The following PTPRD variants were observed in gnomAD, a reference collection of about 807,000 sequenced individuals.
The protein encoded by PTPRD is protein tyrosine phosphatase receptor type D, also known as receptor-type tyrosine-protein phosphatase delta.
PTPRD carries 34 observed loss-of-function variants against 214.5 expected under a neutral mutation model. The observed-to-expected ratio is 0.16, with a 90% CI of 0.12 to 0.21. PTPRD has a LOEUF of 0.21. Among genes scored for constraint, PTPRD ranks in the 10% least tolerant of loss-of-function variants. The pLI is 1.00. For synonymous variants in PTPRD, 1,128 were observed against 845.7 expected (o/e 1.33, Z -5.79); for missense variants, 2,545 against 2,398.7 (o/e 1.06, Z -1.27).
At chr9:8,455,049 G>A (rs1462906147) in intron 33 of PTPRD, among the ~76,000 whole-genome samples, 1 of 152,158 alleles carries the variant, frequency 6.6e-6, no homozygotes, top group Non-Finnish European at 1.5e-5. Context: ...TAAGAGGTAT[G>A]TCATTCCTTT....
In PTPRD at chr9:8,633,395, C is replaced by G. The variant is rs2154320604; in HGVS notation, c.274G>C (p.Asp92His). Residue 92 changes from aspartate to histidine, a missense_variant, in exon 14 of 46, where the codon GAT becomes CAT. Transcript: ENST00000381196. Reference sequence around the variant, plus strand: ...GCCACACATTCATAAATGGCCTCATCCCTCGGAGTCCGTAAGGGTTGTATT... The same window carrying G: ...GCCACACATTCATAAATGGCCTCATGCCTCGGAGTCCGTAAGGGTTGTATT... ...LRIQPLRTPR[D>H]EAIYECVASN... 6.2e-7 allele frequency: 1 copy of G among 1,612,824 alleles called. No individual in the cohort carries two copies. Among genetic ancestry groups the G allele is most frequent in the Non-Finnish European group, 8.5e-7 (1 of 1,179,108 alleles).
At chr9:10,329,413 AT>A (rs1315072678) in intron 3 of PTPRD, among the ~76,000 whole-genome samples, 1 of 151,886 alleles carries the variant, frequency 6.6e-6, no homozygotes, top group Non-Finnish European at 1.5e-5. Flanking sequence ...TTAAAATAAA[AT>A]TTAAAAAGTT....
At chr9:9,432,740 A>G (rs1172696816) in intron 8 of PTPRD, among the ~76,000 whole-genome samples, 1 of 152,232 alleles carries the variant, frequency 6.6e-6, no homozygotes, top group East Asian at 1.9e-4. Context: ...TTTAATGAAT[A>G]ATGAAGCCAC....
intron 9 of PTPRD, among the ~76,000 whole-genome samples, chr9:9,281,359 A>T (rs1433751463): frequency 6.6e-6 from 1 of 151,344 alleles, no homozygotes; most frequent in African/African-American, 2.4e-5. Flanking sequence ...CTAATAAAAG[A>T]CTGTTATTCA....
At chr9:10,019,694 G>T (rs1025248479) in intron 4 of PTPRD, among the ~76,000 whole-genome samples, 1 of 150,010 alleles carries the variant, frequency 6.7e-6, no homozygotes, top group Admixed American at 6.7e-5. Flanking sequence ...ACTAAACACC[G>T]CATGTTCTCA....
At chr9:10,178,019 C>T (rs1208116237) in intron 3 of PTPRD, among the ~76,000 whole-genome samples, 1 of 151,784 alleles carries the variant, frequency 6.6e-6, no homozygotes, top group East Asian at 1.9e-4. Flanking sequence ...TAATTTTTTC[C>T]TTCTTCCACT....
intron 11 of PTPRD, among the ~76,000 whole-genome samples, chr9:8,983,172 G>A (rs899503175): frequency 1.3e-5 from 2 of 151,772 alleles, no homozygotes; most frequent in Admixed American, 1.3e-4. Context: ...ATTGTGATTA[G>A]CAATAATTAG....
intron 7 of PTPRD, 149 bp downstream of exon 7, chr9:9,734,384 T>C (rs777601383): frequency 3.3e-5 from 5 of 152,112 alleles, no homozygotes; most frequent in Admixed American, 6.6e-5. Context: ...ACTGGACTTA[T>C]GAGATTCAAA....
At chr9:9,844,886 A>C (rs886848582) in intron 5 of PTPRD, among the ~76,000 whole-genome samples, 2 of 151,384 alleles carry the variant, frequency 1.3e-5, no homozygotes, top group African/African-American at 2.4e-5. Flanking sequence ...AAATAAAAGA[A>C]ATTCCCAGGC....
Position 9,226,794 on chromosome 9 carries a change from T to G in PTPRD, c.-202-43431A>C, listed in dbSNP as rs183057114. 6.4e-3 allele frequency among the ~76,000 whole-genome samples: 971 copies of G among 152,178 alleles called. 16 individuals are homozygous for G. The highest frequency in any genetic ancestry group is 4.1e-3 in the Admixed American group (62 of 15,264). On this transcript the variant is annotated intron_variant, in intron 9 of 45. Coordinates refer to ENST00000381196, the MANE Select transcript of PTPRD (RefSeq NM_002839.4). Reference sequence around the variant, plus strand: ...TCTGGTTATCATTGTATCTTTCACTTAACATGGATATCATATAATAGGTAC... The same window carrying G: ...TCTGGTTATCATTGTATCTTTCACTGAACATGGATATCATATAATAGGTAC...
At chr9:9,948,538 G>C (rs773531196) in intron 4 of PTPRD, among the ~76,000 whole-genome samples, 5 of 152,060 alleles carry the variant, frequency 3.3e-5, no homozygotes, top group Admixed American at 6.6e-5. Flanking sequence ...TAAATTAAAA[G>C]TCCAATAGCT....
intron 3 of PTPRD, among the ~76,000 whole-genome samples, chr9:10,187,675 G>C (rs779268719): frequency 6.6e-6 from 1 of 152,162 alleles, no homozygotes; most frequent in Non-Finnish European, 1.5e-5. Context: ...ATCTGCCCTG[G>C]GGGGCGGAAC....
intron 10 of PTPRD, among the ~76,000 whole-genome samples, chr9:9,156,071 G>C (rs139835114): frequency 7.9e-5 from 12 of 152,104 alleles, no homozygotes; most frequent in Admixed American, 7.9e-4. Context: ...TTCAGAGCAG[G>C]GCAATATTTA....
intron 11 of PTPRD, among the ~76,000 whole-genome samples, chr9:8,991,681 G>C (rs2099367487): frequency 6.6e-6 from 1 of 152,076 alleles, no homozygotes; most frequent in African/African-American, 2.4e-5. Context: ...TAACACATTA[G>C]TTCTGTGCAA....
rs554510484 is a variant in PTPRD at position 8,743,373 on chromosome 9, G to A, written c.-103-9427C>T. Among the ~76,000 whole-genome samples the A allele has an allele frequency of 4.5e-4, 68 of 152,282 alleles. 1 individual carries two copies. The highest frequency in any genetic ancestry group is 2.1e-4 in the South Asian group (1 of 4,826). On this transcript the variant is annotated intron_variant, in intron 11 of 45. Coordinates refer to ENST00000381196, the MANE Select transcript of PTPRD (RefSeq NM_002839.4). The stretch of plus-strand genomic sequence containing the variant: ...TAAATGGAACAGACATTGCACTGAT[G>A]TCAGTCAGTGAATAGATATGGTTCC...
intron 8 of PTPRD, among the ~76,000 whole-genome samples, chr9:9,536,895 C>T (rs1326610966): frequency 6.6e-6 from 1 of 151,942 alleles, no homozygotes; most frequent in Middle Eastern, 3.2e-3. Flanking sequence ...TTTTCAACGA[C>T]AGTTATGGAA....
In PTPRD at chr9:8,928,032, C is replaced by T. The variant is rs577032108; in HGVS notation, c.-104+90665G>A. On this transcript the variant is annotated intron_variant, in intron 11 of 45. Coordinates refer to ENST00000381196, the MANE Select transcript of PTPRD (RefSeq NM_002839.4). The stretch of plus-strand genomic sequence containing the variant: ...TTGAGGAGCGTCTGTTCATATCCTT[C>T]GCCCACTTTTTGATGAGGTTGTCTT... Among the ~76,000 whole-genome samples the T allele has an allele frequency of 3.1e-3, 469 of 152,148 alleles. 6 individuals carry two copies. The highest frequency in any genetic ancestry group is 5.6e-3 in the Non-Finnish European group (378 of 67,980).
At chr9:8,576,115 A>C in intron 14 of PTPRD, among the ~76,000 whole-genome samples, 1 of 152,096 alleles carries the variant, frequency 6.6e-6, no homozygotes, top group East Asian at 1.9e-4. Context: ...ATAACACCAA[A>C]CCTTGAAGTG....
chr9:8,937,100 C>T (rs533970178), intron 11 of PTPRD, among the ~76,000 whole-genome samples: 21 of 151,824 alleles, frequency 1.4e-4, no homozygotes, highest in Admixed American at 1.1e-3. Context: ...TTTACCGCAT[C>T]ATAATGTATT....
Sources: gnomAD v4.1 joint callset for allele counts (sites outside exome capture counted in the v4.1 genomes callset) on GRCh38, gnomAD v4.1.1 for gene constraint, MANE v1.5 for transcripts, NCBI Gene and HGNC (gene_info 2026-07-23, HGNC 2026-07-21) for gene names.